KIF13B: variants seen among roughly 807,000 people sequenced by gnomAD.
The protein encoded by KIF13B is kinesin-like protein KIF13B.
In KIF13B, 127 loss-of-function variants were observed where a neutral mutation model predicts 222.0. That is an observed-to-expected ratio of 0.57 (90% CI 0.50 to 0.66). KIF13B has a LOEUF of 0.66. KIF13B is among the 30% of genes least tolerant of loss of function. The pLI, the probability that KIF13B is intolerant of heterozygous loss-of-function variation, is 0.00. For missense variants in KIF13B, 2,173 were observed against 2,379.0 expected (o/e 0.91, Z 1.80); for synonymous variants, 976 against 919.0 (o/e 1.06, Z -1.12).
intron 1 of KIF13B, among the ~76,000 whole-genome samples, chr8:29,256,470 G>C (rs1003381567): frequency 6.6e-6 from 1 of 152,110 alleles, no homozygotes; most frequent in African/African-American, 2.4e-5. Context: ...TTCATGATTG[G>C]CTGCCATCAG....
intron 4 of KIF13B, 76 bp from the exon 5 acceptor site, chr8:29,188,683 A>T: frequency 1.1e-6 from 1 of 879,674 alleles, no homozygotes; most frequent in Non-Finnish European, 1.8e-6. Flanking sequence ...CAAAAACAAA[A>T]ATCTCAAAAA....
intron 6 of KIF13B, among the ~76,000 whole-genome samples, chr8:29,184,188 A>T (rs1444374539): frequency 1.3e-5 from 2 of 152,036 alleles, no homozygotes; most frequent in African/African-American, 4.8e-5. Context: ...ACATAATTAC[A>T]TTACTATATA....
Position 29,159,397 on chromosome 8 carries a change from G to A in KIF13B, c.1404+1336C>T, listed in dbSNP as rs1339977840. ...ACTCCTGACCTCAAGTGATCTGCCC[G>A]CCTCAGCCTCCCAAAGTGCTGGGAT... On this transcript the variant is annotated intron_variant, in intron 13 of 39. Transcript: ENST00000524189. Among the ~76,000 whole-genome samples, 6 of 152,086 alleles carry A rather than the reference G, an allele frequency of 3.9e-5. No homozygotes were observed. In the East Asian group the frequency reaches 5.8e-4, roughly 15 times the overall value.
intron 2 of KIF13B, among the ~76,000 whole-genome samples, chr8:29,205,964 A>G (rs1017358433): frequency 6.6e-6 from 1 of 151,104 alleles, no homozygotes; most frequent in South Asian, 2.1e-4. Context: ...AGTGGCATGC[A>G]CTTGTGGTCC....
chr8:29,184,083 T>C (rs941392653), intron 6 of KIF13B, among the ~76,000 whole-genome samples: 2 of 152,166 alleles, frequency 1.3e-5, no homozygotes, highest in Non-Finnish European at 1.5e-5. Flanking sequence ...GAATATTTGA[T>C]TTACTTCTCG....
At chr8:29,128,588 T>C (rs530849031) in intron 24 of KIF13B, among the ~76,000 whole-genome samples, 1 of 152,344 alleles carries the variant, frequency 6.6e-6, no homozygotes, top group Non-Finnish European at 1.5e-5. Context: ...TTTATTTGCT[T>C]AGTTTGCCTA....
chr8:29,071,632 C>T lies in KIF13B; in HGVS notation c.5206G>A (p.Asp1736Asn), dbSNP rs1209996212. The part of the protein sequence containing the change: ...QEGTWVGVEL[D>N]LPSGKNDGSI... ...GCCCGGTACCCACCTGAGGGCAGGTCGAGCTCCACGCCGACCCACGTGCCC... is the reference window on the plus strand; with the variant it reads ...GCCCGGTACCCACCTGAGGGCAGGTTGAGCTCCACGCCGACCCACGTGCCC... Residue 1736 changes from aspartate to asparagine, a missense_variant, in exon 39 of 40, where the codon GAC becomes AAC. Physicochemically the swap from Asp to Asn is conservative, Grantham distance 23 (BLOSUM62 1). This residue lies in a region of KIF13B where 693 missense variants were observed against 656.2 expected (regional missense o/e 1.06). Coordinates refer to ENST00000524189, the MANE Select transcript of KIF13B (RefSeq NM_015254.4). The surrounding 1 kb of genome is among the most constrained non-coding windows in gnomAD (Gnocchi z 4.9). 3 of 1,552,628 alleles carry T rather than the reference C, an allele frequency of 1.9e-6. No individual in the cohort carries two copies. Among genetic ancestry groups the T allele is most frequent in the Non-Finnish European group, 2.6e-6 (3 of 1,148,920 alleles).
chr8:29,078,896 C>A (rs1049895133), intron 37 of KIF13B, among the ~76,000 whole-genome samples: 1 of 152,182 alleles, frequency 6.6e-6, no homozygotes, highest in Non-Finnish European at 1.5e-5. Flanking sequence ...TTACAGGCAA[C>A]AGAACGGCTT....
intron 32 of KIF13B, among the ~76,000 whole-genome samples, chr8:29,111,995 A>G (rs927383654): frequency 7.9e-5 from 12 of 152,364 alleles, no homozygotes; most frequent in Admixed American, 4.6e-4. Context: ...CAAACTCCAA[A>G]TTAAATAATT....
chr8:29,210,330 C>T (rs550812860), intron 2 of KIF13B, among the ~76,000 whole-genome samples: 7 of 152,272 alleles, frequency 4.6e-5, no homozygotes, highest in African/African-American at 1.7e-4. Context: ...GATCTACTCA[C>T]CAGAGAGAGG....
intron 8 of KIF13B, among the ~76,000 whole-genome samples, chr8:29,178,979 T>A (rs1812598796): frequency 6.6e-6 from 1 of 152,238 alleles, no homozygotes; most frequent in Non-Finnish European, 1.5e-5. Context: ...CTGGGTTTAC[T>A]CTTCACTAGA....
chr8:29,151,495 C>T (rs1233829436), intron 14 of KIF13B, among the ~76,000 whole-genome samples: 1 of 152,202 alleles, frequency 6.6e-6, no homozygotes, highest in Non-Finnish European at 1.5e-5. Context: ...GGCTGATTCT[C>T]TTAGGGGCTA....
chr8:29,183,171 T>G (rs1387397872), intron 6 of KIF13B, among the ~76,000 whole-genome samples: 5 of 144,638 alleles, frequency 3.5e-5, no homozygotes, highest in African/African-American at 2.7e-5. Context: ...AAAGTTTGTT[T>G]TTTTTTTTTT....
Position 29,142,220 on chromosome 8 carries a change from G to A in KIF13B, c.2271C>T (p.Asp757=). The A allele has an allele frequency of 1.2e-6, 2 of 1,613,474 alleles. No homozygotes were observed. The highest frequency in any genetic ancestry group is 1.3e-5 in the African/African-American group (1 of 75,022). The change falls in exon 19 of 40, where the codon GAC becomes GAT. Residue 757 remains aspartate, a synonymous_variant. Coordinates refer to ENST00000524189, the MANE Select transcript of KIF13B (RefSeq NM_015254.4). ...GGTCTCTCATATCCAACAGCCTGTT[G>A]TCCAGTTTTTCCAAAGACCAAATCT... is the stretch of plus-strand genomic sequence containing the variant. ...GKQIWSLEKL[D]NRLLDMRDLY... is the part of the protein sequence containing the mutation.
At chr8:29,223,576 C>T (rs892602535) in intron 2 of KIF13B, among the ~76,000 whole-genome samples, 1 of 152,136 alleles carries the variant, frequency 6.6e-6, no homozygotes, top group Non-Finnish European at 1.5e-5. Flanking sequence ...TAAAATTTAA[C>T]ACGTAACTAA....
At chr8:29,213,975 T>A (rs2124417) in intron 2 of KIF13B, among the ~76,000 whole-genome samples, 7,164 of 151,942 alleles carry the variant, frequency 0.047, 356 homozygotes, top group African/African-American at 0.12. Context: ...TAAAATAAAA[T>A]AAAATACAAA....
In KIF13B at chr8:29,070,430, C is replaced by T; in HGVS notation, c.*74G>A. Reference sequence around the variant, plus strand: ...GGGGAAGGGGCCACCGGGCTCCTGGCTCCTCAGGGCTGTCACTGGCAGGGC... The same window carrying T: ...GGGGAAGGGGCCACCGGGCTCCTGGTTCCTCAGGGCTGTCACTGGCAGGGC... On this transcript the variant is annotated 3_prime_UTR_variant, in exon 40 of 40. Coordinates refer to ENST00000524189, the MANE Select transcript of KIF13B (RefSeq NM_015254.4). The surrounding 1 kb of genome is among the most constrained non-coding windows in gnomAD (Gnocchi z 4.1). The T allele has an allele frequency of 1.3e-6, 2 of 1,544,534 alleles. No individual in the cohort carries two copies. Among genetic ancestry groups the T allele is most frequent in the East Asian group, 2.3e-5 (1 of 42,670 alleles).
Position 29,133,971 on chromosome 8 carries a change from A to C in KIF13B, c.2784+69T>G, listed in dbSNP as rs1810453861. ...AACGGCACATTTAGTCAAAGAAACA[A>C]GGTTCATTTTCTGTTTTGTTTTCAC... is the stretch of plus-strand genomic sequence containing the variant. On this transcript the variant is annotated intron_variant, in intron 22 of 39. Transcript: ENST00000524189. 6 of 1,428,584 alleles carry C rather than the reference A, an allele frequency of 4.2e-6. No homozygotes were observed. The Admixed American group carries it at 8.7e-5, about 21-fold the overall frequency. The allele number at this position is 1,428,584 out of a possible 1,614,324, so 88.5% of individuals were successfully genotyped here. A position where few individuals can be genotyped will look rare whatever the true frequency, so the allele number is the denominator to read the frequency against.
At position 29,070,661 on chromosome 8, in the gene KIF13B, C is replaced by A. The variant is rs779044932; in HGVS notation, c.5324G>T (p.Arg1775Leu). Residue 1775 changes from arginine (R) to leucine (L), a missense_variant, in exon 40 of 40, where the codon CGG becomes CTG. Arg to Leu is a moderately radical substitution (Grantham distance 102). Transcript: ENST00000524189. This position sits in a 1 kb window ranked among gnomAD's most constrained non-coding sequence, Gnocchi z 4.1. ...CAGCCGGAGTCCTGTGCTGCGCCGC[C>A]GCACAGGGCCCGTGGCCCTGCGGAC... ...SRVRRATGPVRRRSTGLRLGA... is the reference protein window; with the variant it reads ...SRVRRATGPVLRRSTGLRLGA... 3.1e-5 allele frequency: 49 copies of A among 1,562,014 alleles called. No homozygotes were observed. The highest frequency in any genetic ancestry group is 4.2e-5 in the Non-Finnish European group (48 of 1,153,334).
Sources: gnomAD v4.1 joint callset for allele counts (sites outside exome capture counted in the v4.1 genomes callset) on GRCh38, gnomAD v4.1.1 for gene constraint, gnomAD v4.1.1 regional missense constraint, Gnocchi (gnomAD v3.1) non-coding constraint, MANE v1.5 for transcripts, NCBI Gene and HGNC (gene_info 2026-07-23, HGNC 2026-07-21) for gene names.